Variants in GDNF observed in about 807,000 individuals in gnomAD.
The protein encoded by GDNF is glial cell derived neurotrophic factor.
In GDNF, 5 loss-of-function variants were observed where a neutral mutation model predicts 13.7. That is an observed-to-expected ratio of 0.36 (90% CI 0.19 to 0.77). GDNF has a LOEUF of 0.77. Ranked by LOEUF, GDNF falls within the 30% of genes least tolerant of loss-of-function variation. GDNF has a pLI of 0.51. For missense variants in GDNF, 246 were observed against 274.3 expected (o/e 0.90, Z 0.73); for synonymous variants, 122 against 112.5 (o/e 1.08, Z -0.53).
chr5:37,818,438 G>A (rs1469709026), intron 2 of GDNF, among the ~76,000 whole-genome samples: 1 of 152,130 alleles, frequency 6.6e-6, no homozygotes, highest in East Asian at 1.9e-4. Context: ...ATGTGACTTT[G>A]CTCCTCCTTT....
In GDNF at chr5:37,838,169, C is replaced by G. The variant is rs1186599235; in HGVS notation, c.-27+1338G>C. 6.6e-6 allele frequency among the ~76,000 whole-genome samples: 1 copy of G among 152,114 alleles called. No individual in the cohort carries two copies. Among genetic ancestry groups the G allele is most frequent in the Non-Finnish European group, 1.5e-5 (1 of 68,028 alleles). On this transcript the variant is annotated intron_variant, in intron 1 of 2. Transcript: ENST00000326524. This position sits in a 1 kb window ranked among gnomAD's most constrained non-coding sequence, Gnocchi z 4.1. ...AGGAAAAAGAATTTGGGACACTTCT[C>G]GCAGGCAAACTGGGAAAGCGGTCTG...
chr5:37,814,506 C>T lies in GDNF; in HGVS notation c.*1145G>A, dbSNP rs1749840210. ...AAAAAGGTAAAGTAAGTGATTTTTGCCTGGCAAAAAACTTTTTAATACTTT... is the reference window on the plus strand; with the variant it reads ...AAAAAGGTAAAGTAAGTGATTTTTGTCTGGCAAAAAACTTTTTAATACTTT... On this transcript the variant is annotated 3_prime_UTR_variant, in exon 3 of 3. Transcript: ENST00000326524. 6.6e-6 allele frequency: 1 copy of T among 151,912 alleles called. No individual in the cohort carries two copies. The highest frequency in any genetic ancestry group is 1.5e-5 in the Non-Finnish European group (1 of 67,978). The allele number at this position is 151,912 out of a possible 1,614,324, so 9.4% of individuals were successfully genotyped here.
chr5:37,827,347 T>C (rs187848156), intron 2 of GDNF, among the ~76,000 whole-genome samples: 8 of 152,348 alleles, frequency 5.3e-5, no homozygotes, highest in South Asian at 2.1e-4. Context: ...ATATAAGACA[T>C]TGTCCTTGTT....
In GDNF at chr5:37,837,255, C is replaced by T. The variant is rs1750739321; in HGVS notation, c.-27+2252G>A. Among the ~76,000 whole-genome samples, 2 of 152,266 alleles carry T rather than the reference C, an allele frequency of 1.3e-5. No homozygotes were observed. Among genetic ancestry groups the T allele is most frequent in the African/African-American group, 4.8e-5 (2 of 41,482 alleles). On this transcript the variant is annotated intron_variant, in intron 1 of 2. Transcript: ENST00000326524. The surrounding 1 kb of genome is among the most constrained non-coding windows in gnomAD (Gnocchi z 6.5). Reference sequence around the variant, plus strand: ...TCTACATCTGCCCGACGCGCTTCTCCTCAACCATGGGCCTTTGCCCGCGGT... The same window carrying T: ...TCTACATCTGCCCGACGCGCTTCTCTTCAACCATGGGCCTTTGCCCGCGGT...
chr5:37,835,632 AC>A, intron 1 of GDNF: 2 of 1,549,356 alleles, frequency 1.3e-6, no homozygotes, highest in South Asian at 1.2e-5. Flanking sequence ...TAAATGCTTT[AC>A]CATTGCTGTT....
In GDNF at chr5:37,838,936, TG is replaced by T. The variant is rs1281865381; in HGVS notation, c.-27+570del. Among the ~76,000 whole-genome samples the T allele has an allele frequency of 6.6e-6, 1 of 152,162 alleles. No homozygotes were observed. The highest frequency in any genetic ancestry group is 1.5e-5 in the Non-Finnish European group (1 of 68,026). On this transcript the variant is annotated intron_variant, in intron 1 of 2. Coordinates refer to ENST00000326524, the MANE Select transcript of GDNF (RefSeq NM_000514.4). This position sits in a 1 kb window ranked among gnomAD's most constrained non-coding sequence, Gnocchi z 4.1. Reference sequence around the variant, plus strand: ...GTTGGGGTGGAGGGCGTTAGGAACGTGCAGGCAACCGGGTGAGGAATGTAGC... The same window carrying T: ...GTTGGGGTGGAGGGCGTTAGGAACGTCAGGCAACCGGGTGAGGAATGTAGC...
chr5:37,832,743 T>C (rs1750566411), intron 2 of GDNF, among the ~76,000 whole-genome samples: 1 of 152,184 alleles, frequency 6.6e-6, no homozygotes, highest in Non-Finnish European at 1.5e-5. Flanking sequence ...TATCAAGCCA[T>C]GGTGATTCAA....
At position 37,839,171 on chromosome 5, in the gene GDNF, A is replaced by G. The variant is rs567563441; in HGVS notation, c.-27+336T>C. 5.3e-5 allele frequency among the ~76,000 whole-genome samples: 8 copies of G among 152,314 alleles called. No homozygotes were observed. The South Asian group carries it at 1.7e-3, about 32-fold the overall frequency. Reference sequence around the variant, plus strand: ...GGGTTCGAAGATGACCCAAGCCCTGAATCGTTCTGTGACTTGACGGAAGAG... The same window carrying G: ...GGGTTCGAAGATGACCCAAGCCCTGGATCGTTCTGTGACTTGACGGAAGAG... On this transcript the variant is annotated intron_variant, in intron 1 of 2. Coordinates refer to ENST00000326524, the MANE Select transcript of GDNF (RefSeq NM_000514.4). The surrounding 1 kb of genome is among the most constrained non-coding windows in gnomAD (Gnocchi z 5.5).
chr5:37,815,520 CTCTTCT>C lies in GDNF; in HGVS notation c.*125_*130del. 1.4e-6 allele frequency: 1 copy of C among 740,186 alleles called. No individual in the cohort carries two copies. 45.9% of individuals were successfully genotyped at this position (740,186 alleles called of 1,614,324 possible). On this transcript the variant is annotated 3_prime_UTR_variant, in exon 3 of 3. Transcript: ENST00000326524. The surrounding 1 kb of genome is among the most constrained non-coding windows in gnomAD (Gnocchi z 5.0). ...CCTCCTCCTCCTCCTCCTCCTCCTC[CTCTTCT>C]TCTTCCTCCTCCTCCGCCTCCTTGG...
intron 1 of GDNF, among the ~76,000 whole-genome samples, chr5:37,836,359 C>CG (rs1750704030): frequency 6.6e-6 from 1 of 152,132 alleles, no homozygotes; most frequent in African/African-American, 2.4e-5. Flanking sequence ...TGCAGGCAAC[C>CG]CGGGGAAGCC....
intron 2 of GDNF, among the ~76,000 whole-genome samples, chr5:37,834,216 G>A (rs1359673983): frequency 6.6e-6 from 1 of 152,240 alleles, no homozygotes; most frequent in Non-Finnish European, 1.5e-5. Context: ...CGCAGTTTAG[G>A]ATGAAAGTGC....
chr5:37,826,804 T>C (rs1443373654), intron 2 of GDNF, among the ~76,000 whole-genome samples: 1 of 152,200 alleles, frequency 6.6e-6, no homozygotes. Flanking sequence ...TCCTTGCCCA[T>C]GTCCCCTTTT....
chr5:37,832,723 T>G (rs548509427), intron 2 of GDNF, among the ~76,000 whole-genome samples: 48 of 152,208 alleles, frequency 3.2e-4, no homozygotes, highest in Non-Finnish European at 5.7e-4. Context: ...CCAAAGATTT[T>G]CTTGGGTGTT....
At chr5:37,833,592 C>G (rs1561135714) in intron 2 of GDNF, among the ~76,000 whole-genome samples, 2 of 152,280 alleles carry the variant, frequency 1.3e-5, no homozygotes, top group Middle Eastern at 3.4e-3. Context: ...ACTCAGCGCA[C>G]AGCTGACTAC....
chr5:37,833,357 A>T (rs144965648), intron 2 of GDNF, among the ~76,000 whole-genome samples: 1 of 152,250 alleles, frequency 6.6e-6, no homozygotes, highest in Non-Finnish European at 1.5e-5. Context: ...AAGTAGGTTT[A>T]TACAGTTAAT....
At chr5:37,829,342 T>C (rs969687815) in intron 2 of GDNF, among the ~76,000 whole-genome samples, 4 of 152,170 alleles carry the variant, frequency 2.6e-5, no homozygotes, top group African/African-American at 7.2e-5. Context: ...CCTGCTATGA[T>C]ACCCAAATCC....
Position 37,838,392 on chromosome 5 carries a change from G to C in GDNF, c.-27+1115C>G, listed in dbSNP as rs958263113. Among the ~76,000 whole-genome samples, 5 of 152,236 alleles carry C rather than the reference G, an allele frequency of 3.3e-5. No homozygotes were observed. Among genetic ancestry groups the C allele is most frequent in the African/African-American group, 1.2e-4 (5 of 41,452 alleles). ...GACGGCTTTGCGGGACTGGGTGCGT[G>C]AATGAGGTTGGAAGAAACATCTCTT... On this transcript the variant is annotated intron_variant, in intron 1 of 2. Coordinates refer to ENST00000326524, the MANE Select transcript of GDNF (RefSeq NM_000514.4). The surrounding 1 kb of genome is among the most constrained non-coding windows in gnomAD (Gnocchi z 4.1).
intron 2 of GDNF, among the ~76,000 whole-genome samples, chr5:37,821,128 C>A (rs1368930139): frequency 1.3e-5 from 2 of 152,162 alleles, no homozygotes; most frequent in East Asian, 3.9e-4. Flanking sequence ...GCGCCATACT[C>A]CTCTGCAGAG....
At chr5:37,835,253 A>G in intron 1 of GDNF, 2 of 339,488 alleles carry the variant, frequency 5.9e-6, no homozygotes. Context: ...TTGTCCCGGT[A>G]GCTCCTATAG....
Sources: gnomAD v4.1 joint callset for allele counts (sites outside exome capture counted in the v4.1 genomes callset) on GRCh38, gnomAD v4.1.1 for gene constraint, Gnocchi (gnomAD v3.1) non-coding constraint, MANE v1.5 for transcripts, NCBI Gene and HGNC (gene_info 2026-07-23, HGNC 2026-07-21) for gene names.